The following RBFOX1 variants were observed in gnomAD, a reference collection of about 807,000 sequenced individuals.
RBFOX1 encodes RNA binding fox-1 homolog 1, also known as RNA binding protein fox-1 homolog 1.
A neutral mutation model predicts 57.7 loss-of-function variants in RBFOX1; 8 were observed. The ratio of observed to expected loss-of-function variants is 0.14; its 90% CI spans 0.08 to 0.25. The LOEUF is 0.25. RBFOX1 is among the 10% of genes least tolerant of loss of function. The pLI is 1.00. For missense variants in RBFOX1, 611 were observed against 548.5 expected, an observed-to-expected ratio of 1.11 and a Z score of -1.14; for synonymous variants, 326 against 222.4, an observed-to-expected ratio of 1.47 and a Z score of -4.15.
intron 4 of RBFOX1, among the ~76,000 whole-genome samples, chr16:7,474,504 G>C (rs1007208282): frequency 2.6e-5 from 4 of 152,206 alleles, no homozygotes; most frequent in East Asian, 1.9e-4. Context: ...CAGTGACCTG[G>C]TGAACAGCCA....
chr16:7,206,531 C>G (rs1238064073), intron 4 of RBFOX1, among the ~76,000 whole-genome samples: 2 of 151,848 alleles, frequency 1.3e-5, no homozygotes, highest in Non-Finnish European at 2.9e-5. Context: ...TGCAAGCTCT[C>G]AAAAATGAGT....
intron 4 of RBFOX1, among the ~76,000 whole-genome samples, chr16:7,227,840 A>T (rs1432394073): frequency 6.6e-6 from 1 of 152,190 alleles, no homozygotes; most frequent in African/African-American, 2.4e-5. Context: ...CACGGTGATG[A>T]TGACTTCTGT....
intron 4 of RBFOX1, among the ~76,000 whole-genome samples, chr16:7,121,022 G>A (rs910126970): frequency 3.3e-5 from 5 of 151,866 alleles, no homozygotes; most frequent in African/African-American, 1.2e-4. Context: ...ACATGACCCT[G>A]TAAAATAGTC....
intron 4 of RBFOX1, among the ~76,000 whole-genome samples, chr16:7,053,836 G>A (rs150092079): frequency 2.0e-5 from 3 of 152,084 alleles, no homozygotes; most frequent in Non-Finnish European, 2.9e-5. Context: ...TGCTTTGTTT[G>A]TTGTTACTTT....
chr16:6,016,885 T>G (rs898027523), upstream of RBFOX1, among the ~76,000 whole-genome samples: 1 of 152,218 alleles, frequency 6.6e-6, no homozygotes, highest in African/African-American at 2.4e-5. Context: ...AATAGCATAA[T>G]GGCATGCCAT....
intron 2 of RBFOX1, among the ~76,000 whole-genome samples, chr16:6,413,389 C>G (rs973142877): frequency 6.6e-6 from 1 of 151,824 alleles, no homozygotes; most frequent in Non-Finnish European, 1.5e-5. Flanking sequence ...GTCTTGAACC[C>G]CTGGGCTCAA....
chr16:5,431,691 A>G (rs534602401), intron 1 of RBFOX1, among the ~76,000 whole-genome samples: 1 of 152,082 alleles, frequency 6.6e-6, no homozygotes, highest in Non-Finnish European at 1.5e-5. Flanking sequence ...ATTTTTTATT[A>G]TTATTTGCCA....
chr16:7,174,832 G>A (rs1334337597), intron 4 of RBFOX1, among the ~76,000 whole-genome samples: 4 of 152,030 alleles, frequency 2.6e-5, no homozygotes, highest in East Asian at 1.9e-4. Context: ...TTTCCAAAGC[G>A]GTTGCGTTAT....
intron 1 of RBFOX1, among the ~76,000 whole-genome samples, chr16:6,096,637 G>C (rs553159485): frequency 7.9e-4 from 120 of 152,118 alleles, no homozygotes; most frequent in African/African-American, 2.8e-3. Flanking sequence ...CTTTTCATTG[G>C]GTTTGATACA....
intron 3 of RBFOX1, among the ~76,000 whole-genome samples, chr16:5,760,423 G>T (rs1464371435): frequency 1.3e-5 from 2 of 151,872 alleles, no homozygotes; most frequent in Admixed American, 6.6e-5. Context: ...TACCCCCAAA[G>T]AATTGTAAGT....
chr16:5,760,584 A>C (rs1029091627), intron 3 of RBFOX1, among the ~76,000 whole-genome samples: 1 of 152,186 alleles, frequency 6.6e-6, no homozygotes, highest in Non-Finnish European at 1.5e-5. Context: ...CTAGAAAAGA[A>C]AGAAGTACTG....
At chr16:5,817,687 C>T (rs11648254) in intron 3 of RBFOX1, among the ~76,000 whole-genome samples, 94,423 of 149,992 alleles carry the variant, frequency 0.63, 30,232 homozygotes, top group Non-Finnish European at 0.7. Context: ...AGTGATGGGT[C>T]TTGTGGGCTG....
intron 13 of RBFOX1, 63 bp downstream of exon 13, chr16:7,665,031 T>C (rs2068817578): frequency 6.2e-7 from 1 of 1,613,698 alleles, no homozygotes; most frequent in African/African-American, 1.3e-5. Flanking sequence ...TTTTACAAGT[T>C]TGCTGTGAAT....
At chr16:6,212,958 C>T (rs543651987) in intron 1 of RBFOX1, among the ~76,000 whole-genome samples, 5 of 152,302 alleles carry the variant, frequency 3.3e-5, no homozygotes, top group Admixed American at 6.5e-5. Context: ...CAGACCTGAA[C>T]GGCCTTTTCC....
chr16:5,524,859 T>A (rs1473669902), intron 2 of RBFOX1, among the ~76,000 whole-genome samples: 2 of 151,928 alleles, frequency 1.3e-5, no homozygotes, highest in South Asian at 2.1e-4. Flanking sequence ...TCATTCTGAT[T>A]TAAACGCTTG....
chr16:6,360,649 G>C (rs1224164450), intron 2 of RBFOX1, among the ~76,000 whole-genome samples: 3 of 152,196 alleles, frequency 2.0e-5, no homozygotes. Context: ...CCTTTGTCAA[G>C]TATATCATGC....
intron 3 of RBFOX1, among the ~76,000 whole-genome samples, chr16:6,994,873 C>T (rs975926993): frequency 1.3e-5 from 2 of 151,928 alleles, no homozygotes; most frequent in African/African-American, 4.8e-5. Context: ...GTTATCAAAA[C>T]AAAATTCCAA....
intron 3 of RBFOX1, among the ~76,000 whole-genome samples, chr16:6,849,732 C>T (rs181082458): frequency 8.5e-5 from 13 of 152,190 alleles, no homozygotes; most frequent in South Asian, 6.2e-4. Context: ...CTGTCTACAT[C>T]GCCTACATCC....
chr16:6,050,589 C>G (rs1300018683), intron 1 of RBFOX1, among the ~76,000 whole-genome samples: 1 of 152,112 alleles, frequency 6.6e-6, no homozygotes, highest in Admixed American at 6.5e-5. Context: ...CTTTATTCTA[C>G]ATGTGATGAA....
Sources: gnomAD v4.1 joint callset for allele counts (sites outside exome capture counted in the v4.1 genomes callset) on GRCh38, gnomAD v4.1.1 for gene constraint, MANE v1.5 for transcripts, NCBI Gene and HGNC (gene_info 2026-07-23, HGNC 2026-07-21) for gene names.